The following UBE2L6 variants were observed in gnomAD, a reference collection of about 807,000 sequenced individuals.
UBE2L6 encodes ubiquitin/ISG15-conjugating enzyme E2 L6.
Under a neutral mutation model 13.6 loss-of-function variants are expected in UBE2L6, and 11 were observed. The ratio of observed to expected loss-of-function variants is 0.81; its 90% CI spans 0.51 to 1.34. The LOEUF (loss-of-function observed/expected upper bound fraction) is 1.34. UBE2L6 is among the 40% of genes most tolerant of loss of function. The probability of loss-of-function intolerance (pLI) is 0.00; values close to 1 mark genes in which losing one functional copy is unlikely to be tolerated. For synonymous variants in UBE2L6, 74 were observed against 83.2 expected, an observed-to-expected ratio of 0.89 and a Z score of 0.60; for missense variants, 197 against 199.5, an observed-to-expected ratio of 0.99 and a Z score of 0.07.
In UBE2L6 at chr11:57,554,427, C is replaced by A. The variant is rs1447857240; in HGVS notation, c.310+10G>T. The stretch of plus-strand genomic sequence containing the variant: ...TATCAGTCCCTCCTCCAAGCAAAGC[C>A]CAACCCCACCTTGGCAAGTCTTGGT... On this transcript the variant is annotated intron_variant, in intron 3 of 3. Transcript: ENST00000287156. 7 of 1,613,022 alleles carry A rather than the reference C, an allele frequency of 4.3e-6. No homozygotes were observed. The South Asian group carries it at 4.4e-5, about 10-fold the overall frequency.
At chr11:57,565,834 G>A (rs1945086965) in intron 1 of UBE2L6, among the ~76,000 whole-genome samples, 1 of 152,118 alleles carries the variant, frequency 6.6e-6, no homozygotes, top group Non-Finnish European at 1.5e-5. Flanking sequence ...GTAGTGATGA[G>A]GTTGAGAAAC....
chr11:57,556,669 G>C (rs1011475331), intron 2 of UBE2L6, among the ~76,000 whole-genome samples: 3 of 151,168 alleles, frequency 2.0e-5, no homozygotes, highest in African/African-American at 4.9e-5. Context: ...CATTTTTTAT[G>C]GTCTCAGTAA....
intron 1 of UBE2L6, chr11:57,566,860 C>T (rs149744900): frequency 4.5e-4 from 177 of 390,678 alleles, no homozygotes; most frequent in Non-Finnish European, 6.1e-4. Context: ...AAACTGCCCC[C>T]TCCCCATCCT....
chr11:57,553,513 G>A (rs1157165302), intron 3 of UBE2L6, among the ~76,000 whole-genome samples: 1 of 151,960 alleles, frequency 6.6e-6, no homozygotes, highest in Non-Finnish European at 1.5e-5. Context: ...AAACAAAAAG[G>A]ATTAAAATTA....
Position 57,554,487 on chromosome 11 carries a change from A to C in UBE2L6, c.260T>G (p.Leu87Arg). Residue 87 changes from leucine (L) to arginine (R), a missense_variant, in exon 3 of 4, where the codon CTG becomes CGG. Coordinates refer to ENST00000287156, the MANE Select transcript of UBE2L6 (RefSeq NM_004223.5). ...CCAGTTCTCACTGCTGATGATGGGC[A>C]GGCAAATCTGTCCGTTCTCGTCCAC... is the stretch of plus-strand genomic sequence containing the variant. The part of the protein sequence containing the change: ...PNVDENGQIC[L>R]PIISSENWKP... 1 of 1,614,186 alleles carries C rather than the reference A, an allele frequency of 6.2e-7. No individual in the cohort carries two copies. The highest frequency in any genetic ancestry group is 8.5e-7 in the Non-Finnish European group (1 of 1,180,032).
chr11:57,566,768 G>C (rs1340763357), intron 1 of UBE2L6, among the ~76,000 whole-genome samples: 1 of 152,048 alleles, frequency 6.6e-6, no homozygotes, highest in Admixed American at 6.5e-5. Flanking sequence ...TGAAAGACTT[G>C]GGGTGCCAGA....
At position 57,560,317 on chromosome 11, in the gene UBE2L6, T is replaced by C. The variant is rs369971778; in HGVS notation, c.123+20A>G. 118 of 1,607,724 alleles carry C rather than the reference T, an allele frequency of 7.3e-5. No homozygotes were observed. Among genetic ancestry groups the C allele is most frequent in the Middle Eastern group, 1.7e-4 (1 of 6,058 alleles). Reference sequence around the variant, plus strand: ...CTAATTTGGCCCCAATCCAAAGCCATGGTCCCCATGGATACTCACGGGTAG... The same window carrying C: ...CTAATTTGGCCCCAATCCAAAGCCACGGTCCCCATGGATACTCACGGGTAG... On this transcript the variant is annotated intron_variant, in intron 2 of 3. Coordinates refer to ENST00000287156, the MANE Select transcript of UBE2L6 (RefSeq NM_004223.5).
In UBE2L6 at chr11:57,552,203, C is replaced by A; in HGVS notation, c.*155G>T. 2 of 1,099,194 alleles carry A rather than the reference C, an allele frequency of 1.8e-6. No individual in the cohort carries two copies. The highest frequency in any genetic ancestry group is 4.2e-5 in the Admixed American group (2 of 47,276). The allele number at this position is 1,099,194 out of a possible 1,614,324, so 68.1% of individuals were successfully genotyped here. A position where few individuals can be genotyped will look rare whatever the true frequency, so the allele number is the denominator to read the frequency against. The stretch of plus-strand genomic sequence containing the variant: ...ACACAACACACACACTCATAGCTCC[C>A]TTCCCTCCACCACACACACACACAA... On this transcript the variant is annotated 3_prime_UTR_variant, in exon 4 of 4. Transcript: ENST00000287156.
intron 3 of UBE2L6, among the ~76,000 whole-genome samples, chr11:57,552,866 G>C (rs1056602001): frequency 6.6e-6 from 1 of 152,140 alleles, no homozygotes; most frequent in African/African-American, 2.4e-5. Flanking sequence ...GGGCAAAAGA[G>C]GTCTAAGGCT....
Position 57,566,955 on chromosome 11 carries a change from C to CACG in UBE2L6, c.27+629_27+630insCGT, listed in dbSNP as rs1554991567. The CACG allele has an allele frequency of 5.9e-4, 124 of 211,480 alleles. 8 individuals carry two copies. Among genetic ancestry groups the CACG allele is most frequent in the African/African-American group, 3.3e-3 (100 of 30,458 alleles). The allele number at this position is 211,480 out of a possible 1,614,324, so 13.1% of individuals were successfully genotyped here. A position where few individuals can be genotyped will look rare whatever the true frequency, so the allele number is the denominator to read the frequency against. On this transcript the variant is annotated intron_variant, in intron 1 of 3. Transcript: ENST00000287156. ...TGTGTTCATCTCTGCCCGCCCCCCCCCCCCTCCTAGAACAGGGCCAGCACA... is the reference window on the plus strand; with the variant it reads ...TGTGTTCATCTCTGCCCGCCCCCCCCACGCCCCTCCTAGAACAGGGCCAGCACA...
chr11:57,565,423 G>A (rs1036623376), intron 1 of UBE2L6, among the ~76,000 whole-genome samples: 6 of 128,372 alleles, frequency 4.7e-5, no homozygotes, highest in Non-Finnish European at 7.8e-5. Context: ...GGAGTCCAGT[G>A]GCACAATCAC....
intron 1 of UBE2L6, among the ~76,000 whole-genome samples, chr11:57,563,972 C>CAA (rs370768960): frequency 3.9e-5 from 6 of 152,148 alleles, no homozygotes; most frequent in African/African-American, 1.4e-4. Flanking sequence ...CTCAAAAGGG[C>CAA]AAATCTAAGA....
chr11:57,559,751 C>A (rs1209414287), intron 2 of UBE2L6, among the ~76,000 whole-genome samples: 1 of 151,786 alleles, frequency 6.6e-6, no homozygotes, highest in African/African-American at 2.4e-5. Flanking sequence ...CTCAAAGTAT[C>A]TTTAGTCACT....
At chr11:57,556,048 C>T (rs754133527) in intron 2 of UBE2L6, among the ~76,000 whole-genome samples, 9 of 152,174 alleles carry the variant, frequency 5.9e-5, no homozygotes, top group Admixed American at 1.3e-4. Context: ...TTTGAGCCAC[C>T]TGAACACTTT....
At chr11:57,558,101 A>T (rs1945011267) in intron 2 of UBE2L6, among the ~76,000 whole-genome samples, 1 of 152,118 alleles carries the variant, frequency 6.6e-6, no homozygotes, top group African/African-American at 2.4e-5. Flanking sequence ...TTTTTGAGAC[A>T]GAGTTTTGCT....
chr11:57,567,674 G>C, upstream of UBE2L6: 3 of 1,547,072 alleles, frequency 1.9e-6, no homozygotes, highest in Middle Eastern at 2.1e-4. Context: ...CCGCGACACA[G>C]CGCGCCCCGC....
intron 1 of UBE2L6, among the ~76,000 whole-genome samples, chr11:57,561,868 G>C: frequency 6.6e-6 from 1 of 152,128 alleles, no homozygotes; most frequent in South Asian, 2.1e-4. Flanking sequence ...TTTTCTTGTT[G>C]GGGAAGATAA....
chr11:57,560,561 G>C (rs925298824), intron 1 of UBE2L6, 129 bp from the exon 2 acceptor site: 2 of 670,514 alleles, frequency 3.0e-6, no homozygotes, highest in African/African-American at 1.8e-5. Context: ...GGTAAAGTCA[G>C]AGCCTACATT....
At chr11:57,566,061 C>T (rs954237524) in intron 1 of UBE2L6, among the ~76,000 whole-genome samples, 9 of 152,090 alleles carry the variant, frequency 5.9e-5, no homozygotes, top group African/African-American at 2.2e-4. Flanking sequence ...ATCTTTACCC[C>T]AAACTAGAAG....
Sources: allele counts gnomAD v4.1 joint callset (sites outside exome capture counted in the v4.1 genomes callset), GRCh38; gene constraint gnomAD v4.1.1; transcripts MANE v1.5; gene names NCBI Gene and HGNC (gene_info 2026-07-23, HGNC 2026-07-21).